The following AUTS2 variants were observed in gnomAD, a reference collection of about 807,000 sequenced individuals.
The protein encoded by AUTS2 is activator of transcription and developmental regulator AUTS2, also known as autism susceptibility gene 2 protein.
A neutral mutation model predicts 112.4 loss-of-function variants in AUTS2; 17 were observed. That is an observed-to-expected ratio of 0.15 (90% CI 0.10 to 0.23). AUTS2 has a LOEUF of 0.23. AUTS2 is among the 10% of genes least tolerant of loss of function. The pLI is 1.00. For missense variants in AUTS2, 1,510 were observed against 1,701.6 expected, an observed-to-expected ratio of 0.89 and a Z score of 1.98; for synonymous variants, 751 against 702.7, an observed-to-expected ratio of 1.07 and a Z score of -1.09.
At chr7:70,208,048 A>T (rs988218806) in intron 4 of AUTS2, among the ~76,000 whole-genome samples, 2 of 150,156 alleles carry the variant, frequency 1.3e-5, no homozygotes, top group African/African-American at 2.4e-5. Flanking sequence ...ACAAAAAATT[A>T]TCTTTATAAT....
At chr7:69,713,026 C>T (rs796812743) in intron 1 of AUTS2, among the ~76,000 whole-genome samples, 2 of 152,044 alleles carry the variant, frequency 1.3e-5, no homozygotes, top group African/African-American at 4.8e-5. Flanking sequence ...TTTTGAAAAC[C>T]ATCTGTTCAA....
At chr7:69,761,463 C>T (rs1788181882) in intron 1 of AUTS2, among the ~76,000 whole-genome samples, 1 of 152,042 alleles carries the variant, frequency 6.6e-6, no homozygotes, top group South Asian at 2.1e-4. Flanking sequence ...AATGCCTTTC[C>T]TGGGCTGTTA....
intron 5 of AUTS2, among the ~76,000 whole-genome samples, chr7:70,608,914 A>G (rs38299): frequency 0.13 from 19,235 of 152,254 alleles, 1,512 homozygotes; most frequent in East Asian, 0.26. Flanking sequence ...GTTCTGGCCA[A>G]TGGTTATTTT....
chr7:70,575,099 A>G (rs1802103171), intron 5 of AUTS2, among the ~76,000 whole-genome samples: 1 of 152,226 alleles, frequency 6.6e-6, no homozygotes, highest in African/African-American at 2.4e-5. Context: ...ACCTGCAGAC[A>G]GCGAAGGCTT....
chr7:69,995,809 A>G (rs540433427), intron 2 of AUTS2, among the ~76,000 whole-genome samples: 1 of 152,194 alleles, frequency 6.6e-6, no homozygotes, highest in East Asian at 1.9e-4. Flanking sequence ...CCCAAAATCT[A>G]CCTGAAAGTT....
At chr7:70,676,555 T>C (rs1309038231) in intron 5 of AUTS2, among the ~76,000 whole-genome samples, 1 of 152,014 alleles carries the variant, frequency 6.6e-6, no homozygotes, top group African/African-American at 2.4e-5. Flanking sequence ...TGCTAATGGT[T>C]TAAAACAGAC....
chr7:70,545,271 C>G (rs1800725144), intron 5 of AUTS2, among the ~76,000 whole-genome samples: 1 of 152,170 alleles, frequency 6.6e-6, no homozygotes, highest in African/African-American at 2.4e-5. Flanking sequence ...GAGCAGTTCC[C>G]TAAGTTCTGG....
chr7:69,852,973 T>A (rs1421605504), intron 1 of AUTS2, among the ~76,000 whole-genome samples: 1 of 152,206 alleles, frequency 6.6e-6, no homozygotes, highest in Non-Finnish European at 1.5e-5. Context: ...TTATGTCTGC[T>A]TTTCTTTCAT....
chr7:70,377,325 A>AATATATATATATATATATAT (rs58244266), intron 4 of AUTS2, among the ~76,000 whole-genome samples: 5 of 52,056 alleles, frequency 9.6e-5, no homozygotes, highest in Admixed American at 2.5e-4. Context: ...AACAAATATA[A>AATATATATATATATATATAT]ATATATATAT....
chr7:70,240,086 G>T (rs1812531482), intron 4 of AUTS2, among the ~76,000 whole-genome samples: 1 of 151,708 alleles, frequency 6.6e-6, no homozygotes, highest in African/African-American at 2.4e-5. Flanking sequence ...TGCCTGAGCT[G>T]GCTAGCGTGA....
intron 4 of AUTS2, among the ~76,000 whole-genome samples, chr7:70,232,151 C>T (rs1812089128): frequency 1.3e-5 from 2 of 152,172 alleles, no homozygotes; most frequent in East Asian, 3.8e-4. Context: ...GCTTCTTTTA[C>T]TCAACATAGT....
intron 6 of AUTS2, among the ~76,000 whole-genome samples, chr7:70,744,843 T>C (rs1788347903): frequency 6.6e-6 from 1 of 152,126 alleles, no homozygotes; most frequent in Non-Finnish European, 1.5e-5. Context: ...CTCTCATGTG[T>C]ACAGGGTGCT....
intron 2 of AUTS2, among the ~76,000 whole-genome samples, chr7:69,902,004 A>C (rs1426369061): frequency 1.3e-5 from 2 of 152,214 alleles, no homozygotes; most frequent in African/African-American, 4.8e-5. Context: ...TGTAGGTCTG[A>C]AGGTAATGCC....
chr7:70,407,513 T>C (rs1027746236), intron 4 of AUTS2, among the ~76,000 whole-genome samples: 1 of 152,212 alleles, frequency 6.6e-6, no homozygotes, highest in African/African-American at 2.4e-5. Flanking sequence ...ATGTGCCTTA[T>C]TGAAGTTCTA....
At chr7:70,716,636 CAAAAA>C (rs34972760) in intron 6 of AUTS2, among the ~76,000 whole-genome samples, 3,269 of 64,404 alleles carry the variant, frequency 0.051, 11 homozygotes, top group Non-Finnish European at 0.075. Context: ...GACTCCGTCT[CAAAAA>C]AAAAAAAAAA....
chr7:70,084,811 G>C (rs1562675692), intron 2 of AUTS2, among the ~76,000 whole-genome samples: 1 of 151,982 alleles, frequency 6.6e-6, no homozygotes, highest in Non-Finnish European at 1.5e-5. Context: ...CCAGTGTGTT[G>C]TTTGTCTTTT....
chr7:70,379,637 A>G (rs746497466), intron 4 of AUTS2, among the ~76,000 whole-genome samples: 9 of 152,228 alleles, frequency 5.9e-5, no homozygotes, highest in Non-Finnish European at 1.2e-4. Context: ...ATGTAGTTGT[A>G]GCTTGGTAGA....
intron 1 of AUTS2, among the ~76,000 whole-genome samples, chr7:69,770,105 T>C (rs1429264015): frequency 6.6e-6 from 1 of 152,230 alleles, no homozygotes; most frequent in East Asian, 1.9e-4. Flanking sequence ...TCATTGGGGC[T>C]ACACATCACA....
intron 3 of AUTS2, among the ~76,000 whole-genome samples, chr7:70,132,825 C>G (rs1806348840): frequency 6.6e-6 from 1 of 152,008 alleles, no homozygotes; most frequent in Non-Finnish European, 1.5e-5. Context: ...AATACATTTG[C>G]AGGAAGGGAA....
Sources: allele counts gnomAD v4.1 joint callset (sites outside exome capture counted in the v4.1 genomes callset), GRCh38; gene constraint gnomAD v4.1.1; transcripts MANE v1.5; gene names NCBI Gene and HGNC (gene_info 2026-07-23, HGNC 2026-07-21).